PKN3: variants seen among roughly 807,000 people sequenced by gnomAD.
PKN3 encodes the protein serine/threonine-protein kinase N3.
In PKN3, 91 loss-of-function variants were observed where a neutral mutation model predicts 113.1. The ratio of observed to expected loss-of-function variants is 0.80; its 90% CI spans 0.68 to 0.96. The LOEUF (loss-of-function observed/expected upper bound fraction) is 0.96, where lower values mean the gene tolerates loss of function less well. Among genes scored for constraint, PKN3 ranks in the 40% least tolerant of loss-of-function variants. The probability of loss-of-function intolerance (pLI) is 0.00; values close to 1 mark genes in which losing one functional copy is unlikely to be tolerated. For synonymous variants in PKN3, 467 were observed against 499.0 expected, an observed-to-expected ratio of 0.94 and a Z score of 0.85; for missense variants, 1,052 against 1,202.2, an observed-to-expected ratio of 0.88 and a Z score of 1.85.
At chr9:128,706,363 A>G (rs923021999) in intron 3 of PKN3, among the ~76,000 whole-genome samples, 3 of 144,932 alleles carry the variant, frequency 2.1e-5, no homozygotes, top group African/African-American at 7.8e-5. Flanking sequence ...GGAAGCATCA[A>G]CCCTGCTCTG....
chr9:128,714,935 A>T (rs1415547208), intron 13 of PKN3, 70 bp downstream of exon 13: 1 of 1,431,620 alleles, frequency 7.0e-7, no homozygotes, highest in Non-Finnish European at 9.9e-7. Flanking sequence ...GTATCCATTC[A>T]TACATTACTC....
chr9:128,717,663 G>A (rs920766682), intron 16 of PKN3, among the ~76,000 whole-genome samples: 3 of 150,496 alleles, frequency 2.0e-5, no homozygotes, highest in African/African-American at 7.3e-5. Flanking sequence ...AGGAGGCGGA[G>A]GTTGGAGTGA....
intron 6 of PKN3, among the ~76,000 whole-genome samples, chr9:128,710,772 G>C (rs767059277): frequency 6.6e-5 from 10 of 152,100 alleles, no homozygotes; most frequent in Non-Finnish European, 1.3e-4. Context: ...GATTACAGGC[G>C]TGAGCCAACC....
At chr9:128,704,939 AAAAG>A (rs370280335) in intron 1 of PKN3, among the ~76,000 whole-genome samples, 2 of 152,094 alleles carry the variant, frequency 1.3e-5, no homozygotes, top group African/African-American at 2.4e-5. Flanking sequence ...AAGAAAAAGA[AAAAG>A]AAAAAAGAAA....
chr9:128,707,044 C>A (rs1388456762), intron 5 of PKN3, 21 bp downstream of exon 5: 1 of 1,614,080 alleles, frequency 6.2e-7, no homozygotes. Flanking sequence ...AGCCCTGGCC[C>A]TCTCCTAAGG....
chr9:128,705,444 C>T lies in PKN3; in HGVS notation c.166C>T (p.Leu56=). 4 of 1,581,138 alleles carry T rather than the reference C, an allele frequency of 2.5e-6. No individual in the cohort carries two copies. Among genetic ancestry groups the T allele is most frequent in the Non-Finnish European group, 3.4e-6 (4 of 1,164,282 alleles). ...DRRHLGHVQQ[L]LRSSNRRLEQ... The stretch of plus-strand genomic sequence containing the variant: ...CCGCCACTTGGGCCATGTGCAGCAG[C>T]TGCTGCGGTCCTCCAACCGCCGCCT... The change falls in exon 2 of 22, where the codon CTG becomes TTG. Residue 56 remains leucine, a synonymous_variant. Transcript: ENST00000291906.
Position 128,720,265 on chromosome 9 carries a change from G to T in PKN3, c.2439G>T (p.Lys813Asn). 1.2e-6 allele frequency: 2 copies of T among 1,614,020 alleles called. No individual in the cohort carries two copies. Among genetic ancestry groups the T allele is most frequent in the Non-Finnish European group, 1.7e-6 (2 of 1,179,996 alleles). Residue 813 changes from lysine to asparagine, a missense_variant, in exon 21 of 22, where the codon AAG becomes AAT. This residue lies in a region of PKN3 where 333 missense variants were observed against 442.8 expected (regional missense o/e 0.75). Transcript: ENST00000291906. This position sits in a 1 kb window ranked among gnomAD's most constrained non-coding sequence, Gnocchi z 5.5. Reference sequence around the variant, plus strand: ...GTGAGCAGGATGCCGAGGAGATCAAGGTCCAGCCATTCTTCAGGGTGAGCG... The same window carrying T: ...GTGAGCAGGATGCCGAGGAGATCAATGTCCAGCCATTCTTCAGGGTGAGCG... ...GAGEQDAEEI[K>N]VQPFFRTTNW... is the part of the protein sequence containing the mutation.
chr9:128,714,101 G>A lies in PKN3; in HGVS notation c.1292G>A (p.Arg431His). ...CGGCCCCGGCTGCAGAGGCAGGAAC[G>A]CATCTTCTCTAAACGCAGAGGTGTG... Reference protein sequence around the residue: ...ERRPRLQRQERIFSKRRGQDF... With the variant: ...ERRPRLQRQEHIFSKRRGQDF... Residue 431 changes from arginine (R) to histidine (H), a missense_variant, in exon 10 of 22, where the codon CGC becomes CAC. Arg to His is a conservative substitution (Grantham distance 29). Coordinates refer to ENST00000291906, the MANE Select transcript of PKN3 (RefSeq NM_013355.5). 3 of 1,614,082 alleles carry A rather than the reference G, an allele frequency of 1.9e-6. No homozygotes were observed. The highest frequency in any genetic ancestry group is 1.7e-5 in the Admixed American group (1 of 60,012).
rs373265940 is a variant in PKN3, at chr9:128,707,037, C to T, written c.651+14C>T. On this transcript the variant is annotated intron_variant, in intron 5 of 21. Transcript: ENST00000291906. ...GCACTGGCTGAGGTCAGGCCCCAGC[C>T]CTGGCCCTCTCCTAAGGCTGGCTTG... is the stretch of plus-strand genomic sequence containing the variant. The T allele has an allele frequency of 1.8e-4, 292 of 1,613,972 alleles. No homozygotes were observed. Among genetic ancestry groups the T allele is most frequent in the Non-Finnish European group, 2.4e-4 (289 of 1,180,022 alleles).
chr9:128,705,507 C>A lies in PKN3; in HGVS notation c.229C>A (p.Arg77=). 6.4e-7 allele frequency: 1 copy of A among 1,558,524 alleles called. No individual in the cohort carries two copies. Among genetic ancestry groups the A allele is most frequent in the South Asian group, 1.2e-5 (1 of 84,758 alleles). The part of the protein sequence containing the change: ...LHGELRELHA[R]ILLPGPGPGP... ...TGGCGAGCTGCGGGAGCTGCACGCC[C>A]GAATCCTGCTGCCCGGCCCTGGGCC... The change falls in exon 2 of 22, where the codon CGA becomes AGA. Residue 77 remains arginine (R), a synonymous_variant. Transcript: ENST00000291906.
Position 128,720,515 on chromosome 9 carries a change from C to A in PKN3, c.2579C>A (p.Thr860Asn). 6.2e-7 allele frequency: 1 copy of A among 1,613,438 alleles called. No homozygotes were observed. The highest frequency in any genetic ancestry group is 8.5e-7 in the Non-Finnish European group (1 of 1,180,008). Residue 860 changes from threonine to asparagine, a missense_variant, in exon 22 of 22, where the codon ACC becomes AAC. Around this residue, in one of 2 missense-constraint regions of PKN3, gnomAD observed 333 missense variants for 442.8 expected, o/e 0.75. Transcript: ENST00000291906. This position sits in a 1 kb window ranked among gnomAD's most constrained non-coding sequence, Gnocchi z 5.5. ...TTCACAGGGCTGCCGCCTGCCCTGACCCCACCTGCACCCCACAGCCTCCTC... is the reference window on the plus strand; with the variant it reads ...TTCACAGGGCTGCCGCCTGCCCTGAACCCACCTGCACCCCACAGCCTCCTC... ...GEFTGLPPAL[T>N]PPAPHSLLTA...
At chr9:128,708,087 AAG>A (rs1862073984) in intron 6 of PKN3, among the ~76,000 whole-genome samples, 1 of 149,256 alleles carries the variant, frequency 6.7e-6, no homozygotes. Context: ...AAAAAAAAAA[AAG>A]GTTTTCTTGG....
At chr9:128,704,441 A>G (rs1192087981) in intron 1 of PKN3, among the ~76,000 whole-genome samples, 1 of 151,618 alleles carries the variant, frequency 6.6e-6, no homozygotes, top group East Asian at 1.9e-4. Flanking sequence ...CTTCGTGTGA[A>G]CCCCTATTCG....
intron 12 of PKN3, 66 bp from the exon 13 acceptor site, chr9:128,714,732 G>A: frequency 1.3e-6 from 2 of 1,511,744 alleles, no homozygotes; most frequent in Non-Finnish European, 1.8e-6. Flanking sequence ...CAGCTGTGGG[G>A]TGGCAGGCCT....
chr9:128,714,501 T>A, intron 11 of PKN3, 61 bp from the exon 12 acceptor site: 1 of 996,416 alleles, frequency 1.0e-6, no homozygotes, highest in Non-Finnish European at 1.6e-6. Flanking sequence ...GGTTGGTGTG[T>A]CCATCCTGCC....
chr9:128,719,387 C>T (rs1862451917), intron 18 of PKN3, among the ~76,000 whole-genome samples: 1 of 151,954 alleles, frequency 6.6e-6, no homozygotes, highest in African/African-American at 2.4e-5. Context: ...GACGGGGTTT[C>T]ACCATGTTGG....
intron 16 of PKN3, 43 bp downstream of exon 16, chr9:128,716,966 C>G (rs1473265580): frequency 1.9e-6 from 3 of 1,559,878 alleles, no homozygotes; most frequent in African/African-American, 1.4e-5. Flanking sequence ...GCAAACTTTG[C>G]CTGGTTCCCT....
At chr9:128,718,768 A>G in intron 18 of PKN3, 143 bp downstream of exon 18, 1 of 740,032 alleles carries the variant, frequency 1.4e-6, no homozygotes, top group Non-Finnish European at 2.3e-6. Context: ...ATTCCAGGGG[A>G]CAGCTGGGCA....
At chr9:128,718,757 C>A in intron 18 of PKN3, 132 bp downstream of exon 18, 1 of 809,036 alleles carries the variant, frequency 1.2e-6, no homozygotes, top group Non-Finnish European at 2.1e-6. Flanking sequence ...CCCCAGACCT[C>A]ATTCCAGGGG....
Sources: gnomAD v4.1 joint callset for allele counts (sites outside exome capture counted in the v4.1 genomes callset) on GRCh38, gnomAD v4.1.1 for gene constraint, gnomAD v4.1.1 regional missense constraint, Gnocchi (gnomAD v3.1) non-coding constraint, MANE v1.5 for transcripts, NCBI Gene and HGNC (gene_info 2026-07-23, HGNC 2026-07-21) for gene names.